Variants in GALNT13 observed in about 807,000 individuals in gnomAD.
GALNT13 encodes UDP-GalNAc:polypeptide N-acetylgalactosaminyltransferase 13.
In GALNT13, 28 loss-of-function variants were observed where a neutral mutation model predicts 64.2. The ratio of observed to expected loss-of-function variants is 0.44; its 90% CI spans 0.32 to 0.60. GALNT13 has a LOEUF of 0.60. GALNT13 is among the 20% of genes least tolerant of loss of function. The pLI is 0.05. For missense variants in GALNT13, 577 were observed against 669.8 expected (o/e 0.86, Z 1.53); for synonymous variants, 214 against 224.6 (o/e 0.95, Z 0.42).
chr2:153,667,841 A>G, the GALNT13 span, among the ~76,000 whole-genome samples: 71 of 152,310 alleles, frequency 4.7e-4, no homozygotes, highest in African/African-American at 1.7e-3. Flanking sequence ...CAAGCTGGGT[A>G]AAGAAGTAAG....
At chr2:154,071,356 A>T (rs1004913786) in intron 3 of GALNT13, among the ~76,000 whole-genome samples, 3 of 152,196 alleles carry the variant, frequency 2.0e-5, no homozygotes, top group Non-Finnish European at 2.9e-5. Flanking sequence ...TTTGTGTTAC[A>T]GCATGTGTAA....
chr2:153,415,840 T>A, the GALNT13 span, among the ~76,000 whole-genome samples: 1 of 152,206 alleles, frequency 6.6e-6, no homozygotes, highest in Admixed American at 6.5e-5. Flanking sequence ...ATTGTCAATC[T>A]AAGCTAGTTT....
intron 8 of GALNT13, among the ~76,000 whole-genome samples, chr2:154,268,419 G>A (rs1287923115): frequency 1.3e-5 from 2 of 152,184 alleles, no homozygotes; most frequent in Non-Finnish European, 2.9e-5. Context: ...AGGTGGCAGA[G>A]GGAGGATTGC....
At chr2:153,389,455 C>T in the GALNT13 span, among the ~76,000 whole-genome samples, 3 of 152,002 alleles carry the variant, frequency 2.0e-5, no homozygotes, top group African/African-American at 7.2e-5. Flanking sequence ...TCACTGACTC[C>T]ACACTGGGGG....
the GALNT13 span, among the ~76,000 whole-genome samples, chr2:153,437,433 G>A: frequency 3.9e-5 from 6 of 152,264 alleles, no homozygotes; most frequent in East Asian, 1.2e-3. Context: ...GGGTGTTAAA[G>A]TCTCCCACTA....
chr2:153,203,936 T>A, the GALNT13 span, among the ~76,000 whole-genome samples: 2 of 152,080 alleles, frequency 1.3e-5, no homozygotes, highest in Non-Finnish European at 2.9e-5. Flanking sequence ...GTGAAAAGTA[T>A]GAGAAAGTAA....
the GALNT13 span, among the ~76,000 whole-genome samples, chr2:153,623,189 T>C: frequency 1.3e-5 from 2 of 152,214 alleles, no homozygotes; most frequent in East Asian, 3.9e-4. Context: ...TATAATTCTC[T>C]TTTCACTGTA....
At chr2:153,536,462 G>C in the GALNT13 span, among the ~76,000 whole-genome samples, 4 of 150,076 alleles carry the variant, frequency 2.7e-5, no homozygotes, top group African/African-American at 7.3e-5. Context: ...GTGATTTTGA[G>C]TTTTTTTTTT....
At chr2:154,033,274 T>C (rs888608808) in intron 3 of GALNT13, among the ~76,000 whole-genome samples, 2 of 152,002 alleles carry the variant, frequency 1.3e-5, no homozygotes, top group African/African-American at 4.8e-5. Context: ...AATTCTTAGA[T>C]ATGATACCAA....
At chr2:153,268,625 C>T in the GALNT13 span, among the ~76,000 whole-genome samples, 1 of 152,170 alleles carries the variant, frequency 6.6e-6, no homozygotes, top group Non-Finnish European at 1.5e-5. Context: ...TGGCTCCAAC[C>T]TCACATTTCA....
intron 3 of GALNT13, among the ~76,000 whole-genome samples, chr2:154,002,088 C>A (rs1001043696): frequency 6.6e-6 from 1 of 151,990 alleles, no homozygotes; most frequent in Non-Finnish European, 1.5e-5. Flanking sequence ...TCTCTTGCTG[C>A]TTTCAGTATT....
chr2:153,832,413 A>C, the GALNT13 span, among the ~76,000 whole-genome samples: 1 of 152,170 alleles, frequency 6.6e-6, no homozygotes, highest in Non-Finnish European at 1.5e-5. Context: ...TTCAAAAATA[A>C]GTGGAGTTAT....
intron 3 of GALNT13, among the ~76,000 whole-genome samples, chr2:154,098,528 G>T (rs889343240): frequency 3.9e-5 from 6 of 151,914 alleles, no homozygotes; most frequent in Non-Finnish European, 1.5e-5. Context: ...TGAGATTTGA[G>T]CTTCTAGTGT....
At chr2:153,375,173 A>G in the GALNT13 span, among the ~76,000 whole-genome samples, 2 of 152,286 alleles carry the variant, frequency 1.3e-5, no homozygotes, top group Non-Finnish European at 1.5e-5. Flanking sequence ...TTCAAACTTT[A>G]CATTTAAATC....
At chr2:153,881,991 T>G (rs1254466858) in intron 1 of GALNT13, among the ~76,000 whole-genome samples, 2 of 152,158 alleles carry the variant, frequency 1.3e-5, no homozygotes, top group East Asian at 1.9e-4. Context: ...TTAGACTTTT[T>G]AAAGTATAGC....
At chr2:153,284,567 C>T in the GALNT13 span, among the ~76,000 whole-genome samples, 3 of 152,208 alleles carry the variant, frequency 2.0e-5, no homozygotes, top group African/African-American at 7.2e-5. Flanking sequence ...ATTTCTAAGC[C>T]TCTTTCCAAG....
chr2:154,243,020 G>A, intron 6 of GALNT13, 115 bp downstream of exon 6: 1 of 834,644 alleles, frequency 1.2e-6, no homozygotes. Flanking sequence ...TTATTTTATA[G>A]CTTTTCTTAA....
At chr2:154,323,204 G>T (rs1694716423) in intron 9 of GALNT13, among the ~76,000 whole-genome samples, 1 of 151,394 alleles carries the variant, frequency 6.6e-6, no homozygotes, top group African/African-American at 2.4e-5. Context: ...GCTGAGGCAG[G>T]AGGATTCCCG....
intron 4 of GALNT13, among the ~76,000 whole-genome samples, chr2:154,225,670 A>G (rs1217333539): frequency 1.3e-5 from 2 of 152,178 alleles, no homozygotes; most frequent in Admixed American, 1.3e-4. Flanking sequence ...GAAAAGGCAT[A>G]CAGTTTTATT....
Sources: allele counts gnomAD v4.1 joint callset (sites outside exome capture counted in the v4.1 genomes callset), GRCh38; gene constraint gnomAD v4.1.1; transcripts MANE v1.5; gene names NCBI Gene and HGNC (gene_info 2026-07-23, HGNC 2026-07-21).